ANKMY1: variants seen among roughly 807,000 people sequenced by gnomAD.
ANKMY1 encodes the protein ankyrin repeat and MYND domain containing 1.
Under a neutral mutation model 102.0 loss-of-function variants are expected in ANKMY1, and 98 were observed. The ratio of observed to expected loss-of-function variants is 0.96; its 90% CI spans 0.82 to 1.14. The LOEUF (loss-of-function observed/expected upper bound fraction) is 1.14. Among genes scored for constraint, ANKMY1 ranks in the 50% most tolerant of loss-of-function variants. ANKMY1 has a pLI of 0.00. For synonymous variants in ANKMY1, 582 were observed against 559.9 expected (o/e 1.04, Z -0.56); for missense variants, 1,330 against 1,347.6 (o/e 0.99, Z 0.20).
At position 240,512,889 on chromosome 2, in the gene ANKMY1, C is replaced by T; in HGVS notation, c.2058G>A (p.Gly686=). ...HIAAALPGEE[G]VQIVELLLHA... ...GCAACAGCAGCTCCACAATCTGTAC[C>T]CCCTCCTCCCCAGGAAGGGCGGCAG... is the stretch of plus-strand genomic sequence containing the variant. The change falls in exon 10 of 18, where the codon GGG becomes GGA. Residue 686 remains glycine, a synonymous_variant. Coordinates refer to ENST00000401804, the MANE Select transcript of ANKMY1 (RefSeq NM_001282771.3). 1.2e-6 allele frequency: 2 copies of T among 1,613,958 alleles called. No individual in the cohort carries two copies. Among genetic ancestry groups the T allele is most frequent in the Non-Finnish European group, 1.7e-6 (2 of 1,179,970 alleles).
In ANKMY1 at chr2:240,557,337, T is replaced by A. The variant is rs1220054456; in HGVS notation, c.-2A>T. 1 of 1,537,296 alleles carries A rather than the reference T, an allele frequency of 6.5e-7. No homozygotes were observed. The highest frequency in any genetic ancestry group is 8.8e-7 in the Non-Finnish European group (1 of 1,137,226). On this transcript the variant is annotated 5_prime_UTR_variant, in exon 2 of 18. Coordinates refer to ENST00000401804, the MANE Select transcript of ANKMY1 (RefSeq NM_001282771.3). The stretch of plus-strand genomic sequence containing the variant: ...AAGGGAGGCATGGGCCCCTTCCATG[T>A]CTGTGGTCTTCCAACCTGCAAGCGA...
intron 8 of ANKMY1, chr2:240,523,546 A>C: frequency 5.7e-6 from 2 of 349,330 alleles, no homozygotes; most frequent in Non-Finnish European, 5.4e-6. Flanking sequence ...CACTATGGCT[A>C]GGATAGGACC....
At chr2:240,470,120 A>G in the ANKMY1 span, among the ~76,000 whole-genome samples, 2 of 152,234 alleles carry the variant, frequency 1.3e-5, no homozygotes, top group Non-Finnish European at 2.9e-5. Flanking sequence ...AGTATTCTTT[A>G]TCTGGGGACA....
chr2:240,495,891 TCTC>T (rs2077198101), intron 15 of ANKMY1, among the ~76,000 whole-genome samples: 1 of 152,316 alleles, frequency 6.6e-6, no homozygotes, highest in South Asian at 2.1e-4. Flanking sequence ...AGAGGCTGCC[TCTC>T]CTCCTCCTTC....
Position 240,520,309 on chromosome 2 carries a change from G to A in ANKMY1, c.2004+53C>T, listed in dbSNP as rs142494535. 4.7e-6 allele frequency: 7 copies of A among 1,492,404 alleles called. No individual in the cohort carries two copies. Among genetic ancestry groups the A allele is most frequent in the South Asian group, 1.3e-5 (1 of 76,652 alleles). 92.4% of individuals were successfully genotyped at this position (1,492,404 alleles called of 1,614,324 possible). The stretch of plus-strand genomic sequence containing the variant: ...GGTGGAGCGAGGAGCTTCCCGGCCA[G>A]TGCCCGGGAGTCTGCTGCGCTCGTC... On this transcript the variant is annotated intron_variant, in intron 9 of 17. Transcript: ENST00000401804. This position sits in a 1 kb window ranked among gnomAD's most constrained non-coding sequence, Gnocchi z 4.8.
At chr2:240,510,615 T>C (rs2079990539) in intron 11 of ANKMY1, among the ~76,000 whole-genome samples, 1 of 152,190 alleles carries the variant, frequency 6.6e-6, no homozygotes, top group African/African-American at 2.4e-5. Context: ...CCAACCACCA[T>C]GCACACTCCC....
At chr2:240,518,849 T>C (rs2081627699) in intron 9 of ANKMY1, among the ~76,000 whole-genome samples, 1 of 152,128 alleles carries the variant, frequency 6.6e-6, no homozygotes. Context: ...CTGTTTTCTG[T>C]GTAATCTTAC....
At chr2:240,524,494 C>A in intron 7 of ANKMY1, 113 bp from the exon 8 acceptor site, 2 of 1,249,044 alleles carry the variant, frequency 1.6e-6, no homozygotes, top group Admixed American at 5.2e-5. Flanking sequence ...TTCAAAGCAG[C>A]TAGGCTGAAA....
At chr2:240,542,716 A>ATATC (rs2089258467) in intron 4 of ANKMY1, among the ~76,000 whole-genome samples, 1 of 83,110 alleles carries the variant, frequency 1.2e-5, no homozygotes, top group African/African-American at 3.3e-5. Flanking sequence ...AGATATGTTT[A>ATATC]TATCTATATA....
intron 4 of ANKMY1, among the ~76,000 whole-genome samples, chr2:240,534,285 A>G (rs1181566553): frequency 6.6e-6 from 1 of 152,234 alleles, no homozygotes; most frequent in Non-Finnish European, 1.5e-5. Context: ...AGCCTTGTTA[A>G]TATCTACAAA....
At chr2:240,528,942 C>G in intron 5 of ANKMY1, 95 bp downstream of exon 5, 1 of 1,140,154 alleles carries the variant, frequency 8.8e-7, no homozygotes, top group Non-Finnish European at 1.3e-6. Flanking sequence ...TGAGGGAGCA[C>G]TGTCAGTGGC....
At chr2:240,559,303 G>C (rs1178033398), upstream of ANKMY1, among the ~76,000 whole-genome samples, 4 of 152,214 alleles carry the variant, frequency 2.6e-5, no homozygotes, top group Non-Finnish European at 4.4e-5. Flanking sequence ...TCCAGGAGGA[G>C]GAGGGACTTC....
Position 240,554,892 on chromosome 2 carries a change from C to T in ANKMY1, c.310G>A (p.Gly104Ser). 6.2e-7 allele frequency: 1 copy of T among 1,614,148 alleles called. No homozygotes were observed. Among genetic ancestry groups the T allele is most frequent in the Non-Finnish European group, 8.5e-7 (1 of 1,180,014 alleles). ...TCGCCTGTGGGCCAAGAGAATTTGC[C>T]ATATCCAAGCTTCATGTTCAACCCA... Reference protein sequence around the residue: ...EFGLNMKLGYGKFSWPTGESY... With the variant: ...EFGLNMKLGYSKFSWPTGESY... Residue 104 changes from glycine (G) to serine (S), a missense_variant, in exon 3 of 18, where the codon GGC becomes AGC. Transcript: ENST00000401804.
chr2:240,502,820 C>A (rs1173545048), intron 13 of ANKMY1, among the ~76,000 whole-genome samples: 1 of 151,558 alleles, frequency 6.6e-6, no homozygotes, highest in East Asian at 1.9e-4. Flanking sequence ...CTCCTCCAGA[C>A]CCTCCCCTCC....
intron 3 of ANKMY1, 80 bp downstream of exon 3, chr2:240,554,786 G>A (rs373476182): frequency 1.9e-5 from 29 of 1,518,962 alleles, no homozygotes; most frequent in African/African-American, 5.5e-5. Flanking sequence ...AAAAGTTCCC[G>A]TCCCATCACT....
chr2:240,477,666 T>A (rs1016594824), downstream of ANKMY1, among the ~76,000 whole-genome samples: 8 of 152,204 alleles, frequency 5.3e-5, no homozygotes, highest in Non-Finnish European at 1.0e-4. Context: ...GGATCACAGG[T>A]ATATGCCACC....
In ANKMY1 at chr2:240,481,092, G is replaced by A; in HGVS notation, c.2891C>T (p.Pro964Leu). ...ACACTGGTAGCAGAACTTGAAGAAG[G>A]GAATTCTGCAACAGAGCCTCACCGT... ...GLDVKEQGQI[P>L]FFKFCYQCGR... The change falls in exon 17 of 18, where the codon CCC becomes CTC. Residue 964 changes from proline to leucine, a missense_variant. Transcript: ENST00000401804. The A allele has an allele frequency of 6.2e-7, 1 of 1,608,888 alleles. No homozygotes were observed. The highest frequency in any genetic ancestry group is 8.5e-7 in the Non-Finnish European group (1 of 1,175,854).
chr2:240,492,004 A>T (rs986678255), intron 15 of ANKMY1, among the ~76,000 whole-genome samples: 6 of 133,294 alleles, frequency 4.5e-5, no homozygotes, highest in African/African-American at 1.6e-4. Flanking sequence ...GTTTTCTTTT[A>T]AAAAAAAAAA....
intron 6 of ANKMY1, 98 bp from the exon 7 acceptor site, chr2:240,525,947 G>C: frequency 7.1e-7 from 1 of 1,412,058 alleles, no homozygotes. Context: ...GCCACCCTAT[G>C]GCAGGGCAGG....
Sources: gnomAD v4.1 joint callset for allele counts (sites outside exome capture counted in the v4.1 genomes callset) on GRCh38, gnomAD v4.1.1 for gene constraint, Gnocchi (gnomAD v3.1) non-coding constraint, MANE v1.5 for transcripts, NCBI Gene and HGNC (gene_info 2026-07-23, HGNC 2026-07-21) for gene names.